TICAM1: variants seen among roughly 807,000 people sequenced by gnomAD.
TICAM1 encodes TIR domain-containing adapter molecule 1.
For missense variants in TICAM1, 895 were observed against 938.2 expected (o/e 0.95, Z 0.60); for synonymous variants, 439 against 415.4 (o/e 1.06, Z -0.69).
intron 1 of TICAM1, among the ~76,000 whole-genome samples, chr19:4,824,382 C>T (rs1184400043): frequency 1.4e-5 from 2 of 144,678 alleles, no homozygotes; most frequent in Non-Finnish European, 3.0e-5. Flanking sequence ...TCATCCAGGC[C>T]GGAGTGCAGT....
Position 4,816,298 on chromosome 19 carries a change from G to C in TICAM1, c.2080C>G (p.His694Asp). The C allele has an allele frequency of 6.6e-7, 1 of 1,524,356 alleles. No homozygotes were observed. Among genetic ancestry groups the C allele is most frequent in the Non-Finnish European group, 8.8e-7 (1 of 1,137,154 alleles). 94.4% of individuals were successfully genotyped at this position (1,524,356 alleles called of 1,614,324 possible). Residue 694 changes from histidine to aspartate, a missense_variant, in exon 2 of 2, where the codon CAC becomes GAC. His to Asp is a moderately conservative substitution (Grantham distance 81). Coordinates refer to ENST00000248244, the MANE Select transcript of TICAM1 (RefSeq NM_182919.4). The surrounding 1 kb of genome is among the most constrained non-coding windows in gnomAD (Gnocchi z 4.3). ...TGGGACCCTCTCTGGTTCCACATGT[G>C]GTTGTTCAGCCCCAGCTGTACCATC... ...AQMVQLGLNN[H>D]MWNQRGSQAP... is the part of the protein sequence containing the mutation.
chr19:4,830,852 G>A (rs1423058949), intron 1 of TICAM1, among the ~76,000 whole-genome samples: 1 of 152,186 alleles, frequency 6.6e-6, no homozygotes, highest in African/African-American at 2.4e-5. Flanking sequence ...GCTGGGTGGA[G>A]ATCAGGGAGG....
chr19:4,816,727 C>A lies in TICAM1; in HGVS notation c.1651G>T (p.Glu551Ter). ...TCACCGTCCAGGTGTTGGCTCTGTT[C>A]CCGCAGGGCTCGGGTGTCCTGTTCC... The part of the protein sequence containing the change: ...RKEQDTRALR[E>*]QSQHLDGERM... The change falls in exon 2 of 2, where the codon GAA becomes TAA. Residue 551 changes from glutamate to a stop codon, truncating the protein, a stop_gained. Transcript: ENST00000248244. LOFTEE classifies it low-confidence loss of function (END_TRUNC). This position sits in a 1 kb window ranked among gnomAD's most constrained non-coding sequence, Gnocchi z 4.3. 6.2e-7 allele frequency: 1 copy of A among 1,614,016 alleles called. No individual in the cohort carries two copies. Among genetic ancestry groups the A allele is most frequent in the African/African-American group, 1.3e-5 (1 of 75,074 alleles).
At chr19:4,830,332 C>T (rs568048957) in intron 1 of TICAM1, among the ~76,000 whole-genome samples, 1 of 152,256 alleles carries the variant, frequency 6.6e-6, no homozygotes, top group African/African-American at 2.4e-5. Flanking sequence ...CCTGCCTCAG[C>T]CTCCCAAAGT....
chr19:4,824,329 A>ATTTTT (rs1213088504), intron 1 of TICAM1, among the ~76,000 whole-genome samples: 1 of 107,408 alleles, frequency 9.3e-6, no homozygotes. Context: ...CTTTTATCCA[A>ATTTTT]TTTTTTTTTT....
intron 1 of TICAM1, among the ~76,000 whole-genome samples, chr19:4,824,920 AAG>A (rs2093603268): frequency 6.7e-6 from 1 of 150,338 alleles, no homozygotes; most frequent in Non-Finnish European, 1.5e-5. Flanking sequence ...GTGACAGAGC[AAG>A]ACTCTGTCTC....
At chr19:4,826,685 A>G (rs2093605917) in intron 1 of TICAM1, among the ~76,000 whole-genome samples, 1 of 152,142 alleles carries the variant, frequency 6.6e-6, no homozygotes, top group Non-Finnish European at 1.5e-5. Flanking sequence ...CAGTCCAGTA[A>G]TATTGGAGTA....
rs1423095421 is a variant in TICAM1 at position 4,831,601 on chromosome 19, C to G, written c.-140+13G>C. The G allele has an allele frequency of 6.6e-6, 1 of 152,574 alleles. No individual in the cohort carries two copies. Among genetic ancestry groups the G allele is most frequent in the Non-Finnish European group, 1.5e-5 (1 of 68,336 alleles). 9.5% of individuals were successfully genotyped at this position (152,574 alleles called of 1,614,324 possible). A position where few individuals can be genotyped will look rare whatever the true frequency, so the allele number is the denominator to read the frequency against. On this transcript the variant is annotated intron_variant, in intron 1 of 1. Coordinates refer to ENST00000248244, the MANE Select transcript of TICAM1 (RefSeq NM_182919.4). ...CTCCACCTCAGGCCCGTCCTCGCCC[C>G]TTCCCCACCTACCAGGGATCCGGGG...
chr19:4,828,124 A>AT (rs113627166), intron 1 of TICAM1, among the ~76,000 whole-genome samples: 24,358 of 151,266 alleles, frequency 0.16, 2,651 homozygotes, highest in African/African-American at 0.31. Context: ...TGTTTTTTTT[A>AT]TTTTTTTTGA....
At chr19:4,825,099 G>A (rs529362174) in intron 1 of TICAM1, among the ~76,000 whole-genome samples, 160 of 152,072 alleles carry the variant, frequency 1.1e-3, no homozygotes, top group African/African-American at 3.7e-3. Flanking sequence ...GCGCAACATG[G>A]TAAAACCCCG....
rs1176166818 is a variant in TICAM1 at position 4,827,721 on chromosome 19, G to A, written c.-140+3893C>T. ...TGCAGCGAGCCGAGTTGGTGCCACTGCACTCCAGCCTGGGTGACAGAGTGA... is the reference window on the plus strand; with the variant it reads ...TGCAGCGAGCCGAGTTGGTGCCACTACACTCCAGCCTGGGTGACAGAGTGA... On this transcript the variant is annotated intron_variant, in intron 1 of 1. Coordinates refer to ENST00000248244, the MANE Select transcript of TICAM1 (RefSeq NM_182919.4). 2.0e-5 allele frequency among the ~76,000 whole-genome samples: 3 copies of A among 147,738 alleles called. No individual in the cohort carries two copies. In the Admixed American group the frequency reaches 2.1e-4, roughly 10 times the overall value.
At position 4,816,376 on chromosome 19, in the gene TICAM1, G is replaced by A; in HGVS notation, c.2002C>T (p.Pro668Ser). 2 of 1,589,388 alleles carry A rather than the reference G, an allele frequency of 1.3e-6. No homozygotes were observed. The highest frequency in any genetic ancestry group is 1.1e-5 in the South Asian group (1 of 87,396). Residue 668 changes from proline to serine, a missense_variant, in exon 2 of 2, where the codon CCC becomes TCC. Coordinates refer to ENST00000248244, the MANE Select transcript of TICAM1 (RefSeq NM_182919.4). This position sits in a 1 kb window ranked among gnomAD's most constrained non-coding sequence, Gnocchi z 4.3. ...PQSPAFPTAS[P>S]APPQSPGLQP... ...AGCCCTGGGCTCTGAGGGGGTGCGG[G>A]TGAGGCCGTAGGGAAGGCTGGGGAC...
Position 4,817,532 on chromosome 19 carries a change from T to C in TICAM1, c.846A>G (p.Ala282=). 2 of 1,613,540 alleles carry C rather than the reference T, an allele frequency of 1.2e-6. No homozygotes were observed. The highest frequency in any genetic ancestry group is 1.7e-6 in the Non-Finnish European group (2 of 1,179,842). The change falls in exon 2 of 2, where the codon GCA becomes GCG. Residue 282 remains alanine, a synonymous_variant. Transcript: ENST00000248244. This position sits in a 1 kb window ranked among gnomAD's most constrained non-coding sequence, Gnocchi z 4.7. ...PPGLPEVAPD[A]TSTGLPDTPA... Reference sequence around the variant, plus strand: ...GGGTATCAGGGAGGCCAGTGGAGGTTGCATCTGGGGCCACTTCGGGAAGCC... The same window carrying C: ...GGGTATCAGGGAGGCCAGTGGAGGTCGCATCTGGGGCCACTTCGGGAAGCC...
intron 1 of TICAM1, among the ~76,000 whole-genome samples, chr19:4,827,339 C>CCAG (rs999253507): frequency 1.7e-5 from 2 of 119,430 alleles, no homozygotes. Context: ...CCATTGCACT[C>CCAG]CAGCCTAGGC....
In TICAM1 at chr19:4,817,513, C is replaced by T. The variant is rs776106254; in HGVS notation, c.865G>A (p.Asp289Asn). 1.4e-5 allele frequency: 23 copies of T among 1,613,696 alleles called. No homozygotes were observed. In the Admixed American group the frequency reaches 3.8e-4, roughly 27 times the overall value. ...APDATSTGLP[D>N]TPAAPETSTN... ...CTGGTTTCTGGAGCTGCGGGGGTAT[C>T]AGGGAGGCCAGTGGAGGTTGCATCT... The change falls in exon 2 of 2, where the codon GAT becomes AAT. Residue 289 changes from aspartate to asparagine, a missense_variant. By Grantham distance (23) the Asp-to-Asn change is conservative (BLOSUM62 1). Transcript: ENST00000248244. The surrounding 1 kb of genome is among the most constrained non-coding windows in gnomAD (Gnocchi z 4.7).
intron 1 of TICAM1, among the ~76,000 whole-genome samples, chr19:4,823,701 G>A (rs2093601476): frequency 6.6e-6 from 1 of 152,120 alleles, no homozygotes; most frequent in Non-Finnish European, 1.5e-5. Flanking sequence ...GGAAGATGAT[G>A]TGAGGAGACC....
intron 1 of TICAM1, among the ~76,000 whole-genome samples, chr19:4,827,688 G>A (rs1465178282): frequency 6.6e-6 from 1 of 151,304 alleles, no homozygotes; most frequent in Non-Finnish European, 1.5e-5. Context: ...AACCTGGGAG[G>A]CGGAGCTTGC....
chr19:4,827,800 A>G (rs7253321), intron 1 of TICAM1, among the ~76,000 whole-genome samples: 1 of 151,684 alleles, frequency 6.6e-6, no homozygotes, highest in Admixed American at 6.6e-5. Context: ...TGGGACCACA[A>G]GTCGGCCAAA....
At position 4,817,129 on chromosome 19, in the gene TICAM1, C is replaced by G; in HGVS notation, c.1249G>C (p.Glu417Gln). 1 of 1,614,104 alleles carries G rather than the reference C, an allele frequency of 6.2e-7. No homozygotes were observed. Among genetic ancestry groups the G allele is most frequent in the South Asian group, 1.1e-5 (1 of 91,080 alleles). Reference sequence around the variant, plus strand: ...GCCCCGTCGGGCACGCCAAGGGCCTCCAGCTTCTCCCGAACCCGCAGGGCG... The same window carrying G: ...GCCCCGTCGGGCACGCCAAGGGCCTGCAGCTTCTCCCGAACCCGCAGGGCG... ...HIALRVREKL[E>Q]ALGVPDGATF... The change falls in exon 2 of 2, where the codon GAG becomes CAG. Residue 417 changes from glutamate (E) to glutamine (Q), a missense_variant. Physicochemically the swap from Glu to Gln is conservative, Grantham distance 29 (BLOSUM62 2). Transcript: ENST00000248244. This position sits in a 1 kb window ranked among gnomAD's most constrained non-coding sequence, Gnocchi z 4.7.
Sources: allele counts gnomAD v4.1 joint callset (sites outside exome capture counted in the v4.1 genomes callset), GRCh38; gene constraint gnomAD v4.1.1; non-coding constraint Gnocchi (gnomAD v3.1); transcripts MANE v1.5; gene names NCBI Gene and HGNC (gene_info 2026-07-23, HGNC 2026-07-21).